CELF2: variants seen among roughly 807,000 people sequenced by gnomAD.
CELF2 encodes CUG triplet repeat RNA-binding protein 2.
CELF2 carries 8 observed loss-of-function variants against 62.6 expected under a neutral mutation model. The observed-to-expected ratio is 0.13, with a 90% CI of 0.07 to 0.23. CELF2 has a LOEUF of 0.23. Among genes scored for constraint, CELF2 ranks in the 10% least tolerant of loss-of-function variants. The pLI is 1.00. For synonymous variants in CELF2, 258 were observed against 250.0 expected (o/e 1.03, Z -0.30); for missense variants, 333 against 671.0 (o/e 0.50, Z 5.56).
chr10:11,233,680 CTCCTCT>C (rs1314419705), intron 3 of CELF2, among the ~76,000 whole-genome samples: 1 of 152,222 alleles, frequency 6.6e-6, no homozygotes, highest in Non-Finnish European at 1.5e-5. Flanking sequence ...TCTTCCTCAT[CTCCTCT>C]TCCTACATAC....
chr10:11,009,683 C>T (rs963571002), intron 1 of CELF2, among the ~76,000 whole-genome samples: 9 of 152,148 alleles, frequency 5.9e-5, no homozygotes, highest in African/African-American at 2.2e-4. Flanking sequence ...GGTTGACCCG[C>T]CCATGATTGG....
chr10:10,730,884 G>T, the CELF2 span, among the ~76,000 whole-genome samples: 2 of 152,250 alleles, frequency 1.3e-5, no homozygotes, highest in East Asian at 3.9e-4. Context: ...TCACTTCCAG[G>T]CTGATCATAA....
intron 1 of CELF2, among the ~76,000 whole-genome samples, chr10:11,097,652 G>A (rs2050280761): frequency 6.6e-6 from 1 of 152,146 alleles, no homozygotes. Context: ...CCAAGTTTTT[G>A]TCTCTATTCT....
rs2242450 is a variant in CELF2, at chr10:11,260,726, T to A, written c.538+2854T>A. ...ATTCCCTGTTGCAAAAAAAGAAAAATAAGAAAGAAAGAAAATACTCATTTA... is the reference window on the plus strand; with the variant it reads ...ATTCCCTGTTGCAAAAAAAGAAAAAAAAGAAAGAAAGAAAATACTCATTTA... On this transcript the variant is annotated intron_variant, in intron 5 of 12. Transcript: ENST00000633077. This position sits in a 1 kb window ranked among gnomAD's most constrained non-coding sequence, Gnocchi z 4.2. 0.13 allele frequency among the ~76,000 whole-genome samples: 20,142 copies of A among 149,770 alleles called. 3,310 individuals are homozygous for A. The highest frequency in any genetic ancestry group is 0.4 in the African/African-American group (16,303 of 40,818).
chr10:10,571,547 C>A, the CELF2 span, among the ~76,000 whole-genome samples: 17 of 150,870 alleles, frequency 1.1e-4, no homozygotes, highest in Admixed American at 7.9e-4. Context: ...CAGTTTGTAC[C>A]AAGCAGTAAT....
intron 2 of CELF2, among the ~76,000 whole-genome samples, chr10:10,964,819 A>G (rs933434317): frequency 5.9e-5 from 9 of 152,240 alleles, no homozygotes; most frequent in Non-Finnish European, 1.0e-4. Flanking sequence ...TCTAACTTTT[A>G]TATAACATTT....
chr10:10,657,362 A>T, the CELF2 span, among the ~76,000 whole-genome samples: 4 of 149,384 alleles, frequency 2.7e-5, no homozygotes, highest in Non-Finnish European at 5.9e-5. Context: ...CGTAACCTTA[A>T]GCATACACTA....
the CELF2 span, among the ~76,000 whole-genome samples, chr10:10,479,512 C>T: frequency 1.3e-5 from 2 of 151,988 alleles, no homozygotes; most frequent in South Asian, 2.1e-4. Context: ...GATGGAAACG[C>T]GATAAGTATC....
At chr10:11,198,652 T>C (rs1447408361) in intron 2 of CELF2, among the ~76,000 whole-genome samples, 2 of 152,228 alleles carry the variant, frequency 1.3e-5, no homozygotes, top group Non-Finnish European at 1.5e-5. Flanking sequence ...CCAGTGTCCC[T>C]TTCTTAGCAT....
intron 1 of CELF2, among the ~76,000 whole-genome samples, chr10:11,162,559 C>T (rs2065962768): frequency 6.7e-6 from 1 of 148,336 alleles, no homozygotes; most frequent in Admixed American, 6.9e-5. Context: ...GATGGAGACA[C>T]ACTATGTGAC....
At chr10:10,712,900 G>A in the CELF2 span, among the ~76,000 whole-genome samples, 4,573 of 152,146 alleles carry the variant, frequency 0.03, 180 homozygotes, top group African/African-American at 0.093. Context: ...ATGTTGCTCC[G>A]TCAACAAAGC....
At chr10:10,542,420 C>T in the CELF2 span, among the ~76,000 whole-genome samples, 4 of 152,218 alleles carry the variant, frequency 2.6e-5, no homozygotes, top group African/African-American at 9.6e-5. Context: ...CAAATGAAGA[C>T]AGACAAAGGC....
At chr10:11,188,197 C>T (rs1477560339) in intron 2 of CELF2, among the ~76,000 whole-genome samples, 1 of 152,232 alleles carries the variant, frequency 6.6e-6, no homozygotes, top group Non-Finnish European at 1.5e-5. Flanking sequence ...CCTCCGCCTC[C>T]TGGGTTCAAG....
rs1472123813 is a variant in CELF2, at chr10:10,990,882, G to T, written c.89+70883G>T. On this transcript the variant is annotated intron_variant, in intron 2 of 13. Transcript: ENST00000636488. The surrounding 1 kb of genome is among the most constrained non-coding windows in gnomAD (Gnocchi z 4.6). ...TTTCCATAACCCTAAGAATAATTTT[G>T]CAGGCATTTTGGCATTGAGTCTTCA... is the stretch of plus-strand genomic sequence containing the variant. Among the ~76,000 whole-genome samples, 2 of 152,024 alleles carry T rather than the reference G, an allele frequency of 1.3e-5. No homozygotes were observed. The highest frequency in any genetic ancestry group is 2.4e-5 in the African/African-American group (1 of 41,392).
intron 2 of CELF2, among the ~76,000 whole-genome samples, chr10:11,194,570 A>C (rs1237252741): frequency 6.6e-6 from 1 of 152,186 alleles, no homozygotes; most frequent in African/African-American, 2.4e-5. Context: ...GGGTAGGAGG[A>C]AAGGCAAAGC....
chr10:11,197,028 A>AAAGAAGGAAGGAAGGAAGGAAG, intron 2 of CELF2, among the ~76,000 whole-genome samples: 1 of 20,982 alleles, frequency 4.8e-5, no homozygotes, highest in African/African-American at 3.8e-4. Context: ...AAGAAAGAAA[A>AAAGAAGGAAGGAAGGAAGGAAG]GAAAGAAAGA....
the CELF2 span, among the ~76,000 whole-genome samples, chr10:10,502,471 A>G: frequency 2.0e-5 from 3 of 152,126 alleles, no homozygotes; most frequent in South Asian, 2.1e-4. Context: ...CAAACCATTC[A>G]TTTCATATTG....
At chr10:10,652,516 C>T in the CELF2 span, among the ~76,000 whole-genome samples, 15 of 136,298 alleles carry the variant, frequency 1.1e-4, no homozygotes, top group Admixed American at 3.0e-4. Flanking sequence ...AGACTAACAG[C>T]GGATCTCTCG....
rs1185786211 is a variant in CELF2 at position 11,302,988 on chromosome 10, G to A, written c.977-11151G>A. On this transcript the variant is annotated intron_variant, in intron 9 of 12. Coordinates refer to ENST00000633077, the MANE Select transcript of CELF2 (RefSeq NM_001326342.2). The surrounding 1 kb of genome is among the most constrained non-coding windows in gnomAD (Gnocchi z 5.0). ...TTGGACCTTGTGGCCATCAAGCCTAGCCTCAGGGTCTACAGAAACCCCCTT... is the reference window on the plus strand; with the variant it reads ...TTGGACCTTGTGGCCATCAAGCCTAACCTCAGGGTCTACAGAAACCCCCTT... Among the ~76,000 whole-genome samples, 1 of 152,140 alleles carries A rather than the reference G, an allele frequency of 6.6e-6. No homozygotes were observed. Among genetic ancestry groups the A allele is most frequent in the Non-Finnish European group, 1.5e-5 (1 of 68,030 alleles).
Sources: allele counts gnomAD v4.1 joint callset (sites outside exome capture counted in the v4.1 genomes callset), GRCh38; gene constraint gnomAD v4.1.1; non-coding constraint Gnocchi (gnomAD v3.1); transcripts MANE v1.5; gene names NCBI Gene and HGNC (gene_info 2026-07-23, HGNC 2026-07-21).